The following FHIP1A variants were observed in gnomAD, a reference collection of about 807,000 sequenced individuals.
The protein encoded by FHIP1A is FHF complex subunit HOOK-interacting protein 1A.
FHIP1A carries 61 observed loss-of-function variants against 88.6 expected under a neutral mutation model. The ratio of observed to expected loss-of-function variants is 0.69; its 90% CI spans 0.56 to 0.85. The LOEUF (loss-of-function observed/expected upper bound fraction) is 0.85, where lower values mean the gene tolerates loss of function less well. Ranked by LOEUF, FHIP1A falls within the 40% of genes least tolerant of loss-of-function variation. The pLI, the probability that FHIP1A is intolerant of heterozygous loss-of-function variation, is 0.00. For synonymous variants in FHIP1A, 478 were observed against 496.0 expected (o/e 0.96, Z 0.48); for missense variants, 1,154 against 1,273.5 (o/e 0.91, Z 1.43).
intron 2 of FHIP1A, among the ~76,000 whole-genome samples, chr4:151,476,992 G>GA (rs1408886946): frequency 6.6e-6 from 1 of 152,024 alleles, no homozygotes; most frequent in East Asian, 1.9e-4. Flanking sequence ...AAAAAGATAC[G>GA]AAAAAATGGA....
intron 3 of FHIP1A, among the ~76,000 whole-genome samples, chr4:151,514,893 C>A (rs994239679): frequency 1.3e-5 from 2 of 152,210 alleles, no homozygotes; most frequent in African/African-American, 2.4e-5. Context: ...GAACTGGTAT[C>A]ATTCCTTCTG....
intron 2 of FHIP1A, among the ~76,000 whole-genome samples, chr4:151,476,856 A>C (rs1024234417): frequency 6.7e-6 from 1 of 148,916 alleles, no homozygotes; most frequent in Non-Finnish European, 1.5e-5. Context: ...AACAATAACC[A>C]GTTAGAAGAT....
intron 3 of FHIP1A, among the ~76,000 whole-genome samples, chr4:151,486,967 T>TAAAAAAA (rs72527669): frequency 6.9e-6 from 1 of 143,994 alleles, no homozygotes; most frequent in African/African-American, 2.6e-5. Flanking sequence ...AAACTCCATT[T>TAAAAAAA]AAAAAAAAAA....
chr4:151,531,746 T>C (rs914870643), intron 3 of FHIP1A, among the ~76,000 whole-genome samples: 1 of 152,228 alleles, frequency 6.6e-6, no homozygotes, highest in African/African-American at 2.4e-5. Context: ...TTGTCTTCCT[T>C]GTACCTAGCA....
intron 3 of FHIP1A, among the ~76,000 whole-genome samples, chr4:151,520,867 G>T (rs1230982371): frequency 6.6e-6 from 1 of 152,088 alleles, no homozygotes; most frequent in African/African-American, 2.4e-5. Context: ...CTTCAAAAAG[G>T]CTTTCTTAGA....
chr4:151,488,072 T>C (rs1730149520), intron 3 of FHIP1A, among the ~76,000 whole-genome samples: 1 of 152,216 alleles, frequency 6.6e-6, no homozygotes, highest in Non-Finnish European at 1.5e-5. Flanking sequence ...TCTCAACTAC[T>C]ATAATTGGTG....
intron 8 of FHIP1A, among the ~76,000 whole-genome samples, chr4:151,631,514 A>G (rs1343244245): frequency 6.6e-6 from 1 of 152,180 alleles, no homozygotes; most frequent in East Asian, 1.9e-4. Flanking sequence ...GGTGAATTCT[A>G]TCAAACATTT....
rs1214439680 is a variant in FHIP1A at position 151,662,559 on chromosome 4, A to C, written c.2928A>C (p.Pro976=). Reference sequence around the variant, plus strand: ...GCAAGAACCTTTTGGATGGACCTCCAAGAGTGCTTCAGCCCTTCCTGACCC... The same window carrying C: ...GCAAGAACCTTTTGGATGGACCTCCCAGAGTGCTTCAGCCCTTCCTGACCC... ...GSGKNLLDGP[P]RVLQPFLTHR... The change falls in exon 14 of 14, where the codon CCA becomes CCC. Residue 976 remains proline (P), a synonymous_variant. Transcript: ENST00000435205. 5.8e-6 allele frequency: 9 copies of C among 1,551,254 alleles called. No homozygotes were observed. The East Asian group carries it at 2.2e-4, about 38-fold the overall frequency.
At chr4:151,599,670 G>A (rs1734787391) in intron 7 of FHIP1A, among the ~76,000 whole-genome samples, 1 of 152,224 alleles carries the variant, frequency 6.6e-6, no homozygotes, top group South Asian at 2.1e-4. Flanking sequence ...CCTGTAGGAA[G>A]TGTAGCCTCA....
At chr4:151,581,164 T>G (rs1422684901) in intron 5 of FHIP1A, among the ~76,000 whole-genome samples, 1 of 152,196 alleles carries the variant, frequency 6.6e-6, no homozygotes, top group Non-Finnish European at 1.5e-5. Context: ...GTCCAGAGTT[T>G]ACATAAAATT....
rs574906996 is a variant in FHIP1A at position 151,574,114 on chromosome 4, G to A, written c.106-3336G>A. 2.0e-5 allele frequency among the ~76,000 whole-genome samples: 3 copies of A among 152,350 alleles called. No homozygotes were observed. In the South Asian group the frequency reaches 6.2e-4, roughly 32 times the overall value. On this transcript the variant is annotated intron_variant, in intron 4 of 13. Coordinates refer to ENST00000435205, the MANE Select transcript of FHIP1A (RefSeq NM_001109977.3). ...GGAGGTAGCCTGGGAAGGTCCTAAG[G>A]AGAGAGGTTAAGGACATGTGGCAAC...
chr4:151,576,219 G>A (rs1370996893), intron 4 of FHIP1A, among the ~76,000 whole-genome samples: 1 of 152,098 alleles, frequency 6.6e-6, no homozygotes, highest in East Asian at 1.9e-4. Context: ...AGCTGACTAG[G>A]GCTGTGAGGT....
chr4:151,420,565 G>A (rs2724556), intron 1 of FHIP1A, among the ~76,000 whole-genome samples: 101,926 of 152,080 alleles, frequency 0.67, 36,001 homozygotes, highest in African/African-American at 0.92. Context: ...TCCTGTAGTA[G>A]TTTCCTGGCA....
At chr4:151,570,737 G>A (rs1435271129) in intron 4 of FHIP1A, among the ~76,000 whole-genome samples, 1 of 152,168 alleles carries the variant, frequency 6.6e-6, no homozygotes, top group East Asian at 1.9e-4. Context: ...GTGACATATA[G>A]TAGATGTTCA....
chr4:151,612,554 G>A (rs992202726), intron 7 of FHIP1A, among the ~76,000 whole-genome samples: 7 of 152,140 alleles, frequency 4.6e-5, no homozygotes, highest in African/African-American at 1.4e-4. Flanking sequence ...CTAACTTTTT[G>A]TGTTTTTAGT....
intron 2 of FHIP1A, among the ~76,000 whole-genome samples, chr4:151,468,268 G>A (rs543061090): frequency 2.0e-4 from 25 of 127,426 alleles, no homozygotes; most frequent in Middle Eastern, 6.3e-3. Context: ...CTAGGTGAGA[G>A]AGCGAGACTC....
At chr4:151,495,463 C>A (rs144272962) in intron 3 of FHIP1A, among the ~76,000 whole-genome samples, 1 of 150,098 alleles carries the variant, frequency 6.7e-6, no homozygotes, top group Non-Finnish European at 1.5e-5. Flanking sequence ...GATTGTGCCA[C>A]TGCACTCCAG....
intron 5 of FHIP1A, among the ~76,000 whole-genome samples, chr4:151,585,242 A>G (rs1455057356): frequency 6.6e-6 from 1 of 151,950 alleles, no homozygotes; most frequent in Non-Finnish European, 1.5e-5. Context: ...AGTAGGTCCA[A>G]TCTCGGCTCA....
At chr4:151,534,428 C>T (rs1411340183) in intron 3 of FHIP1A, among the ~76,000 whole-genome samples, 1 of 152,148 alleles carries the variant, frequency 6.6e-6, no homozygotes, top group Non-Finnish European at 1.5e-5. Context: ...CCACCTCTGT[C>T]CTTAGCTTGG....
Sources: allele counts gnomAD v4.1 joint callset (sites outside exome capture counted in the v4.1 genomes callset), GRCh38; gene constraint gnomAD v4.1.1; transcripts MANE v1.5; gene names NCBI Gene and HGNC (gene_info 2026-07-23, HGNC 2026-07-21).